Variants in SEC23B observed in about 807,000 individuals in gnomAD.
SEC23B encodes the protein SEC23 homolog B, COPII component.
A neutral mutation model predicts 104.3 loss-of-function variants in SEC23B; 77 were observed. The observed-to-expected ratio is 0.74, with a 90% CI of 0.61 to 0.89. The LOEUF (loss-of-function observed/expected upper bound fraction) is 0.89. Among genes scored for constraint, SEC23B ranks in the 40% least tolerant of loss-of-function variants. SEC23B has a pLI of 0.00. For missense variants in SEC23B, 885 were observed against 949.4 expected (o/e 0.93, Z 0.89); for synonymous variants, 338 against 332.5 (o/e 1.02, Z -0.18).
chr20:18,515,467 C>T (rs948992555), intron 3 of SEC23B, among the ~76,000 whole-genome samples, 183 bp from the exon 4 acceptor site: 6 of 152,110 alleles, frequency 3.9e-5, no homozygotes, highest in African/African-American at 9.7e-5. Flanking sequence ...TGAGCCACCA[C>T]GCCCAACTAA....
At chr20:18,532,238 C>T (rs1193843142) in intron 10 of SEC23B, among the ~76,000 whole-genome samples, 3 of 152,066 alleles carry the variant, frequency 2.0e-5, no homozygotes, top group African/African-American at 7.2e-5. Flanking sequence ...TTGGCCTTGT[C>T]GTTATATTGG....
chr20:18,527,453 A>G, intron 8 of SEC23B, 43 bp from the exon 9 acceptor site: 3 of 1,080,736 alleles, frequency 2.8e-6, no homozygotes, highest in Non-Finnish European at 4.3e-6. Flanking sequence ...TACCTTGGGA[A>G]TAATGTCACT....
intron 14 of SEC23B, among the ~76,000 whole-genome samples, chr20:18,543,555 AGAT>A (rs2060307955): frequency 6.6e-6 from 1 of 152,208 alleles, no homozygotes; most frequent in African/African-American, 2.4e-5. Flanking sequence ...GGATTTAATG[AGAT>A]GAGAGAAGTC....
At chr20:18,527,801 C>G (rs2060147425) in intron 9 of SEC23B, among the ~76,000 whole-genome samples, 190 bp downstream of exon 9, 1 of 152,154 alleles carries the variant, frequency 6.6e-6, no homozygotes, top group Admixed American at 6.5e-5. Context: ...TAGGAGGGCT[C>G]AAGAGTTCAC....
At chr20:18,521,808 C>T (rs1054559095) in intron 4 of SEC23B, among the ~76,000 whole-genome samples, 2 of 151,992 alleles carry the variant, frequency 1.3e-5, no homozygotes, top group South Asian at 2.1e-4. Flanking sequence ...AGATTTGGGA[C>T]GAGTCGCATT....
At chr20:18,524,766 G>A in intron 5 of SEC23B, 97 bp downstream of exon 5, 2 of 1,233,680 alleles carry the variant, frequency 1.6e-6, no homozygotes, top group Non-Finnish European at 2.4e-6. Context: ...CTGGAGTTCA[G>A]TGGTGTGATC....
intron 17 of SEC23B, among the ~76,000 whole-genome samples, chr20:18,552,834 C>T (rs1204726107): frequency 6.6e-6 from 1 of 152,008 alleles, no homozygotes; most frequent in Non-Finnish European, 1.5e-5. Flanking sequence ...ACCAAAAAAA[C>T]AGCACAAGAA....
chr20:18,554,489 C>A, intron 18 of SEC23B, 99 bp downstream of exon 18: 1 of 1,414,094 alleles, frequency 7.1e-7, no homozygotes, highest in Non-Finnish European at 1.0e-6. Context: ...TATGTGATGA[C>A]ATAAATTGAC....
In SEC23B at chr20:18,560,082, C is replaced by T. The variant is rs567412145; in HGVS notation, c.2215-569C>T. Among the ~76,000 whole-genome samples the T allele has an allele frequency of 3.4e-3, 470 of 137,220 alleles. 3 individuals are homozygous for T. Among genetic ancestry groups the T allele is most frequent in the African/African-American group, 0.013 (449 of 35,874 alleles). The allele number at this position is 137,220 out of a possible 152,430, so 90.0% of individuals were successfully genotyped here. A position where few individuals can be genotyped will look rare whatever the true frequency, so the allele number is the denominator to read the frequency against. On this transcript the variant is annotated intron_variant, in intron 19 of 19. Transcript: ENST00000650089. ...GTTAACTATTTCCAGCTTTTTTCTA[C>T]GTAAAGTGTATTATTGTGTGTGTGT...
chr20:18,518,589 T>G (rs1372731690), intron 4 of SEC23B, among the ~76,000 whole-genome samples: 1 of 135,268 alleles, frequency 7.4e-6, no homozygotes, highest in African/African-American at 2.6e-5. Flanking sequence ...GAGGTTTTTT[T>G]TTTTTTTTTT....
At chr20:18,545,447 G>A (rs1302214525) in intron 14 of SEC23B, among the ~76,000 whole-genome samples, 1 of 152,200 alleles carries the variant, frequency 6.6e-6, no homozygotes, top group African/African-American at 2.4e-5. Context: ...GAAAGTAATT[G>A]TTAGAAATGG....
chr20:18,524,791 C>T, intron 5 of SEC23B, 122 bp downstream of exon 5: 5 of 1,188,934 alleles, frequency 4.2e-6, no homozygotes, highest in Non-Finnish European at 5.0e-6. Flanking sequence ...CTCAATGGCT[C>T]AAGCCATTGG....
intron 1 of SEC23B, among the ~76,000 whole-genome samples, chr20:18,508,655 A>G (rs1437554384): frequency 2.6e-5 from 4 of 151,320 alleles, no homozygotes; most frequent in African/African-American, 7.3e-5. Context: ...GCAGTAGGAA[A>G]AGGAGGGAGC....
intron 4 of SEC23B, among the ~76,000 whole-genome samples, chr20:18,520,813 T>C (rs2060076570): frequency 6.6e-6 from 1 of 151,918 alleles, no homozygotes; most frequent in Non-Finnish European, 1.5e-5. Flanking sequence ...AAGCTCGGCG[T>C]CCGTGATGGT....
At chr20:18,532,778 GC>G (rs1568611300) in intron 11 of SEC23B, 34 bp downstream of exon 11, 2 of 1,496,476 alleles carry the variant, frequency 1.3e-6, no homozygotes, top group East Asian at 2.3e-5. Flanking sequence ...CTCACCTCCT[GC>G]CCCGGATTTA....
chr20:18,521,576 C>T (rs929236255), intron 4 of SEC23B, among the ~76,000 whole-genome samples: 12 of 151,988 alleles, frequency 7.9e-5, no homozygotes, highest in African/African-American at 1.9e-4. Flanking sequence ...GAGGGCTAGT[C>T]GTGGAACGAA....
chr20:18,512,359 T>C, intron 3 of SEC23B, 77 bp downstream of exon 3: 1 of 939,074 alleles, frequency 1.1e-6, no homozygotes. Flanking sequence ...TAGGTTGAAT[T>C]TGTGTTTACA....
chr20:18,526,620 TG>T, intron 8 of SEC23B, 89 bp downstream of exon 8: 1 of 1,360,630 alleles, frequency 7.3e-7, no homozygotes, highest in South Asian at 1.2e-5. Flanking sequence ...GCCAAGGTCA[TG>T]TGTCATGGTC....
chr20:18,508,172 C>G (rs1176544986), intron 1 of SEC23B, 200 bp downstream of exon 1: 2 of 152,270 alleles, frequency 1.3e-5, no homozygotes, highest in African/African-American at 2.4e-5. Context: ...TTTCTGGCTC[C>G]AGTTTCCCCA....
Sources: gnomAD v4.1 joint callset for allele counts (sites outside exome capture counted in the v4.1 genomes callset) on GRCh38, gnomAD v4.1.1 for gene constraint, MANE v1.5 for transcripts, NCBI Gene and HGNC (gene_info 2026-07-23, HGNC 2026-07-21) for gene names.